The following OBP2B variants were observed in gnomAD, a reference collection of about 807,000 sequenced individuals.
OBP2B encodes odorant-binding protein 2b.
Under a neutral mutation model 21.7 loss-of-function variants are expected in OBP2B, and 10 were observed. That is an observed-to-expected ratio of 0.46 (90% CI 0.28 to 0.78). The LOEUF (loss-of-function observed/expected upper bound fraction) is 0.78. Ranked by LOEUF, OBP2B falls within the 30% of genes least tolerant of loss-of-function variation. OBP2B has a pLI of 0.11. For synonymous variants in OBP2B, 73 were observed against 91.5 expected (o/e 0.80, Z 1.16); for missense variants, 153 against 217.7 (o/e 0.70, Z 1.87).
chr9:133,209,521 C>T (rs1424313034), upstream of OBP2B, among the ~76,000 whole-genome samples: 1 of 152,202 alleles, frequency 6.6e-6, no homozygotes, highest in African/African-American at 2.4e-5. This position sits in a 1 kb window ranked among gnomAD's most constrained non-coding sequence, Gnocchi z 6.0. Context: ...TGTCCATCTG[C>T]ACCCCAAGCC....
chr9:133,206,473 G>GAA lies in OBP2B; in HGVS notation c.389-58_389-57insTT, dbSNP rs1213575585. 109 of 1,604,454 alleles carry GAA rather than the reference G, an allele frequency of 6.8e-5. No individual in the cohort carries two copies. The African/African-American group carries it at 1.4e-3, about 21-fold the overall frequency. ...GGGGACAGCGGCACGGCCCTGCAGGGAGCAGATGCCGAAAGGAGACGACCA... is the reference window on the plus strand; with the variant it reads ...GGGGACAGCGGCACGGCCCTGCAGGGAAAGCAGATGCCGAAAGGAGACGACCA... On this transcript the variant is annotated intron_variant, in intron 4 of 6. Coordinates refer to ENST00000372034, the MANE Select transcript of OBP2B (RefSeq NM_014581.4).
intron 2 of OBP2B, 108 bp from the exon 3 acceptor site, chr9:133,208,311 C>A (rs1488962109): frequency 6.3e-7 from 1 of 1,595,744 alleles, no homozygotes; most frequent in Non-Finnish European, 8.5e-7. Context: ...TCCACTGCCC[C>A]CCACCCCACC....
At chr9:133,221,561 T>C in the OBP2B span, among the ~76,000 whole-genome samples, 1 of 152,124 alleles carries the variant, frequency 6.6e-6, no homozygotes, top group Non-Finnish European at 1.5e-5. Context: ...GCCACAGACG[T>C]GGTAATGACT....
chr9:133,222,948 G>C, the OBP2B span, among the ~76,000 whole-genome samples: 1,310 of 151,852 alleles, frequency 8.6e-3, 16 homozygotes, highest in African/African-American at 0.025. Context: ...TCTCCCTTCA[G>C]AACACCCCTT....
At chr9:133,218,962 A>T in the OBP2B span, among the ~76,000 whole-genome samples, 1 of 152,228 alleles carries the variant, frequency 6.6e-6, no homozygotes, top group Non-Finnish European at 1.5e-5. Flanking sequence ...TTGGGTAAAG[A>T]AGGATTCCAA....
At chr9:133,207,464 C>T in intron 3 of OBP2B, 128 bp from the exon 4 acceptor site, 1 of 654,684 alleles carries the variant, frequency 1.5e-6, no homozygotes, top group Non-Finnish European at 2.7e-6. Flanking sequence ...GGCTGCTCCG[C>T]ACAGTGTGGA....
At chr9:133,220,653 A>G in the OBP2B span, among the ~76,000 whole-genome samples, 2 of 147,180 alleles carry the variant, frequency 1.4e-5, no homozygotes, top group Non-Finnish European at 3.0e-5. Flanking sequence ...TGTGTCCCCC[A>G]TGTGTAGACG....
the OBP2B span, among the ~76,000 whole-genome samples, chr9:133,221,849 G>T: frequency 2.6e-5 from 4 of 152,096 alleles, no homozygotes; most frequent in Non-Finnish European, 5.9e-5. Context: ...CACAGAACTG[G>T]GACATTTATG....
intron 2 of OBP2B, 39 bp from the exon 3 acceptor site, chr9:133,208,242 C>T (rs1245916974): frequency 6.2e-7 from 1 of 1,610,790 alleles, no homozygotes; most frequent in African/African-American, 1.3e-5. Context: ...GCTCCCAGGA[C>T]ACCCATGGCC....
intron 3 of OBP2B, chr9:133,207,779 C>G: frequency 1.8e-6 from 2 of 1,118,474 alleles, no homozygotes; most frequent in Non-Finnish European, 2.4e-6. Context: ...CATCCTTAAC[C>G]CTCAGCTTCC....
At chr9:133,207,069 AGGTACTT>A (rs1833743884) in intron 4 of OBP2B, among the ~76,000 whole-genome samples, 150 bp downstream of exon 4, 1 of 152,070 alleles carries the variant, frequency 6.6e-6, no homozygotes, top group Non-Finnish European at 1.5e-5. Context: ...TTCCCACTTC[AGGTACTT>A]GGACCGGCTG....
upstream of OBP2B, among the ~76,000 whole-genome samples, chr9:133,214,207 C>T (rs1246849183): frequency 6.6e-6 from 1 of 152,208 alleles, no homozygotes; most frequent in Non-Finnish European, 1.5e-5. Context: ...AAGAGAACCT[C>T]CTTAACTTGA....
intron 5 of OBP2B, 60 bp from the exon 6 acceptor site, chr9:133,206,000 C>A: frequency 6.2e-7 from 1 of 1,612,658 alleles, no homozygotes. Flanking sequence ...GCCCAGACCC[C>A]ATCGCAGCCC....
upstream of OBP2B, among the ~76,000 whole-genome samples, chr9:133,211,916 T>G (rs1833920775): frequency 6.6e-6 from 1 of 152,222 alleles, no homozygotes; most frequent in African/African-American, 2.4e-5. Context: ...ATTGGCAAAG[T>G]GAATTAAAAG....
chr9:133,223,043 A>G, the OBP2B span, among the ~76,000 whole-genome samples: 1 of 152,130 alleles, frequency 6.6e-6, no homozygotes, highest in Non-Finnish European at 1.5e-5. The surrounding 1 kb of genome is among the most constrained non-coding windows in gnomAD (Gnocchi z 4.4). Flanking sequence ...CGCTTTAACT[A>G]GCATTCAGCT....
the OBP2B span, among the ~76,000 whole-genome samples, chr9:133,217,741 G>A: frequency 1.3e-5 from 2 of 152,220 alleles, no homozygotes; most frequent in African/African-American, 4.8e-5. Context: ...TGCCCTGACC[G>A]TGGGCCAGCT....
chr9:133,207,286 A>G lies in OBP2B; in HGVS notation c.328T>C (p.Tyr110His). The G allele has an allele frequency of 6.2e-7, 1 of 1,613,876 alleles. No homozygotes were observed. Among genetic ancestry groups the G allele is most frequent in the Non-Finnish European group, 8.5e-7 (1 of 1,179,856 alleles). The change falls in exon 4 of 7, where the codon TAC (tyrosine) becomes CAC (histidine). Residue 110 changes from tyrosine (Y) to histidine (H), a missense_variant. This residue lies in a region of OBP2B where 151 missense variants were observed against 186.3 expected (regional missense o/e 0.81). Coordinates refer to ENST00000372034, the MANE Select transcript of OBP2B (RefSeq NM_014581.4). ...YLQELPRRDHYIFYCKDQHHG... is the reference protein window; with the variant it reads ...YLQELPRRDHHIFYCKDQHHG... ...TGCTGGTCTTTGCAGTAAAAGATGT[A>G]GTGGTCCCTCCTGGGCAGCTCCTGC...
chr9:133,219,122 T>C, the OBP2B span, among the ~76,000 whole-genome samples: 1 of 152,356 alleles, frequency 6.6e-6, no homozygotes, highest in South Asian at 2.1e-4. Context: ...ACACAAGCTT[T>C]CAACCAGAAT....
At chr9:133,206,016 T>C in intron 5 of OBP2B, 76 bp from the exon 6 acceptor site, 1 of 1,602,752 alleles carries the variant, frequency 6.2e-7, no homozygotes. Flanking sequence ...AGCCCAGAGC[T>C]CAGAGCCCCA....
Sources: gnomAD v4.1 joint callset for allele counts (sites outside exome capture counted in the v4.1 genomes callset) on GRCh38, gnomAD v4.1.1 for gene constraint, gnomAD v4.1.1 regional missense constraint, Gnocchi (gnomAD v3.1) non-coding constraint, MANE v1.5 for transcripts, NCBI Gene and HGNC (gene_info 2026-07-23, HGNC 2026-07-21) for gene names.